Variants in NR3C2 observed in about 807,000 individuals in gnomAD.
The protein encoded by NR3C2 is nuclear receptor subfamily 3 group C member 2, also known as mineralocorticoid receptor.
A neutral mutation model predicts 86.4 loss-of-function variants in NR3C2; 15 were observed. The ratio of observed to expected loss-of-function variants is 0.17; its 90% CI spans 0.12 to 0.27. The LOEUF (loss-of-function observed/expected upper bound fraction) is 0.27. Ranked by LOEUF, NR3C2 falls within the 10% of genes least tolerant of loss-of-function variation. NR3C2 has a pLI of 1.00. For missense variants in NR3C2, 960 were observed against 1,195.6 expected, an observed-to-expected ratio of 0.80 and a Z score of 2.91; for synonymous variants, 458 against 450.5, an observed-to-expected ratio of 1.02 and a Z score of -0.21.
At chr4:148,193,895 C>T (rs1392491058) in intron 4 of NR3C2, among the ~76,000 whole-genome samples, 3 of 152,198 alleles carry the variant, frequency 2.0e-5, no homozygotes, top group African/African-American at 7.2e-5. Flanking sequence ...ATCCAATTGT[C>T]ATAGTATTTT....
intron 2 of NR3C2, among the ~76,000 whole-genome samples, chr4:148,321,460 C>G (rs1213262145): frequency 3.3e-5 from 5 of 151,442 alleles, no homozygotes; most frequent in Non-Finnish European, 7.4e-5. Flanking sequence ...TTTGATCCGT[C>G]TAATGTTGAC....
intron 8 of NR3C2, 73 bp from the exon 9 acceptor site, chr4:148,081,572 T>C: frequency 2.5e-6 from 4 of 1,602,856 alleles, no homozygotes; most frequent in South Asian, 2.2e-5. Context: ...CTTCTGACTT[T>C]GGTGGGAACT....
chr4:148,397,536 A>C (rs1403065686), intron 2 of NR3C2, among the ~76,000 whole-genome samples: 1 of 152,162 alleles, frequency 6.6e-6, no homozygotes, highest in Non-Finnish European at 1.5e-5. Flanking sequence ...GCAAACACAC[A>C]CACAAAGTAA....
chr4:148,222,479 A>G (rs1737911277), intron 3 of NR3C2, among the ~76,000 whole-genome samples: 1 of 152,240 alleles, frequency 6.6e-6, no homozygotes, highest in South Asian at 2.1e-4. Flanking sequence ...ACTTTCTTCA[A>G]CAACAACTCT....
Position 148,399,137 on chromosome 4 carries a change from T to A in NR3C2, c.1757+35967A>T, listed in dbSNP as rs1468354938. Among the ~76,000 whole-genome samples, 19 of 152,226 alleles carry A rather than the reference T, an allele frequency of 1.2e-4. 1 individual carries two copies. Among genetic ancestry groups the A allele is most frequent in the Non-Finnish European group, 1.5e-5 (1 of 68,030 alleles). The stretch of plus-strand genomic sequence containing the variant: ...TTCAGCCATCCATTTAGCATTGCTT[T>A]GCATCCCTTAAAACAGTGGCCTCTT... On this transcript the variant is annotated intron_variant, in intron 2 of 8. Coordinates refer to ENST00000358102, the MANE Select transcript of NR3C2 (RefSeq NM_000901.5).
intron 4 of NR3C2, among the ~76,000 whole-genome samples, chr4:148,175,604 T>C (rs1421716295): frequency 6.6e-6 from 1 of 152,218 alleles, no homozygotes. Context: ...GCTTTAAAAA[T>C]ATATATTTAT....
intron 2 of NR3C2, among the ~76,000 whole-genome samples, chr4:148,317,706 T>C (rs1279067686): frequency 6.6e-6 from 1 of 152,052 alleles, no homozygotes; most frequent in Non-Finnish European, 1.5e-5. Context: ...ATTTTAAATA[T>C]ATGTAGAAAT....
At chr4:148,330,827 T>C (rs12508913) in intron 2 of NR3C2, among the ~76,000 whole-genome samples, 51,408 of 152,010 alleles carry the variant, frequency 0.34, 9,944 homozygotes, top group African/African-American at 0.53. Flanking sequence ...CACCATTCCC[T>C]TGGCGATGAG....
intron 3 of NR3C2, among the ~76,000 whole-genome samples, chr4:148,222,487 T>C (rs1200183604): frequency 6.6e-6 from 1 of 152,178 alleles, no homozygotes; most frequent in Non-Finnish European, 1.5e-5. Flanking sequence ...CAACAACAAC[T>C]CTGCTCTCTG....
intron 8 of NR3C2, among the ~76,000 whole-genome samples, chr4:148,102,515 C>T (rs577102723): frequency 6.6e-6 from 1 of 152,290 alleles, no homozygotes; most frequent in South Asian, 2.1e-4. Flanking sequence ...CTACTTCCAA[C>T]TCTGGGGAGT....
At position 148,368,979 on chromosome 4, in the gene NR3C2, T is replaced by C. The variant is rs143130104; in HGVS notation, c.1757+66125A>G. ...GAGTTTGCTTCAGTGAGCTCCATTC[T>C]AGCTCCCCTCTTCTACCCACTTGCT... On this transcript the variant is annotated intron_variant, in intron 2 of 8. Coordinates refer to ENST00000358102, the MANE Select transcript of NR3C2 (RefSeq NM_000901.5). Among the ~76,000 whole-genome samples, 85 of 152,308 alleles carry C rather than the reference T, an allele frequency of 5.6e-4. 1 individual carries two copies. The East Asian group carries it at 0.016, about 29-fold the overall frequency.
intron 3 of NR3C2, among the ~76,000 whole-genome samples, chr4:148,218,195 T>C (rs1297261391): frequency 2.6e-5 from 4 of 152,196 alleles, no homozygotes; most frequent in Non-Finnish European, 5.9e-5. Flanking sequence ...GTAAATATCA[T>C]AGCTACAGTT....
chr4:148,323,357 G>A (rs1743744037), intron 2 of NR3C2, among the ~76,000 whole-genome samples: 1 of 149,088 alleles, frequency 6.7e-6, no homozygotes, highest in African/African-American at 2.5e-5. Context: ...GCCCCCAGAG[G>A]TGGAGCCTAC....
chr4:148,102,734 A>C (rs929388579), intron 8 of NR3C2, among the ~76,000 whole-genome samples: 2 of 152,202 alleles, frequency 1.3e-5, no homozygotes, highest in Non-Finnish European at 2.9e-5. Flanking sequence ...ACCATTCAGC[A>C]CAACCTTCTG....
At chr4:148,089,093 C>A (rs79358355) in intron 8 of NR3C2, among the ~76,000 whole-genome samples, 4,715 of 152,218 alleles carry the variant, frequency 0.031, 242 homozygotes, top group African/African-American at 0.11. Flanking sequence ...AAAAACACCC[C>A]ATTAGCAAGC....
rs1434369971 is a variant in NR3C2 at position 148,078,864 on chromosome 4, T to C, written c.*2480A>G. On this transcript the variant is annotated 3_prime_UTR_variant, in exon 9 of 9. Coordinates refer to ENST00000358102, the MANE Select transcript of NR3C2 (RefSeq NM_000901.5). ...ATAAATTGCTTCATTTTAAACTAAT[T>C]TAGTGTTTCTTTAAATTATATGAAC... is the stretch of plus-strand genomic sequence containing the variant. 1 of 152,662 alleles carries C rather than the reference T, an allele frequency of 6.6e-6. No individual in the cohort carries two copies. Among genetic ancestry groups the C allele is most frequent in the Non-Finnish European group, 1.5e-5 (1 of 68,046 alleles). 9.5% of individuals were successfully genotyped at this position (152,662 alleles called of 1,614,324 possible). A position where few individuals can be genotyped will look rare whatever the true frequency, so the allele number is the denominator to read the frequency against.
chr4:148,323,904 C>T (rs1743802186), intron 2 of NR3C2, among the ~76,000 whole-genome samples: 1 of 152,166 alleles, frequency 6.6e-6, no homozygotes, highest in Non-Finnish European at 1.5e-5. Flanking sequence ...GGCTCCTCCC[C>T]TCTATCTCAT....
chr4:148,315,172 T>G (rs1743104949), intron 2 of NR3C2, among the ~76,000 whole-genome samples: 1 of 152,180 alleles, frequency 6.6e-6, no homozygotes, highest in South Asian at 2.1e-4. Context: ...GCCACTTTGA[T>G]CCGCCAGTTA....
At chr4:148,250,741 T>A (rs923345257) in intron 3 of NR3C2, among the ~76,000 whole-genome samples, 6 of 152,220 alleles carry the variant, frequency 3.9e-5, no homozygotes, top group Non-Finnish European at 8.8e-5. Flanking sequence ...GGCAAACTAA[T>A]CTCTGAAGCC....
Sources: gnomAD v4.1 joint callset for allele counts (sites outside exome capture counted in the v4.1 genomes callset) on GRCh38, gnomAD v4.1.1 for gene constraint, MANE v1.5 for transcripts, NCBI Gene and HGNC (gene_info 2026-07-23, HGNC 2026-07-21) for gene names.